The following GRID2 variants were observed in gnomAD, a reference collection of about 807,000 sequenced individuals.
The protein encoded by GRID2 is glutamate ionotropic receptor delta type subunit 2.
A neutral mutation model predicts 114.8 loss-of-function variants in GRID2; 33 were observed. The observed-to-expected ratio is 0.29, with a 90% confidence interval of 0.22 to 0.38. The LOEUF (loss-of-function observed/expected upper bound fraction) is 0.38, where lower values mean the gene tolerates loss of function less well. GRID2 is among the 10% of genes least tolerant of loss of function. GRID2 has a pLI of 1.00. For synonymous variants in GRID2, 505 were observed against 449.9 expected (o/e 1.12, Z -1.55); for missense variants, 1,184 against 1,257.7 (o/e 0.94, Z 0.89).
At chr4:92,734,978 C>T (rs1052096865) in intron 2 of GRID2, among the ~76,000 whole-genome samples, 6 of 151,452 alleles carry the variant, frequency 4.0e-5, no homozygotes, top group Admixed American at 2.6e-4. Context: ...GGAGTTTTGC[C>T]ATGTTGCCCA....
At chr4:93,091,888 T>A (rs1730824780) in intron 3 of GRID2, among the ~76,000 whole-genome samples, 1 of 152,160 alleles carries the variant, frequency 6.6e-6, no homozygotes, top group South Asian at 2.1e-4. Flanking sequence ...CAGGCTGCTC[T>A]GGGGAAAAAG....
At chr4:92,568,048 T>G (rs1727420727) in intron 1 of GRID2, among the ~76,000 whole-genome samples, 1 of 151,968 alleles carries the variant, frequency 6.6e-6, no homozygotes, top group African/African-American at 2.4e-5. Context: ...GGCTGCAGTT[T>G]TAAACAGGGT....
At chr4:92,994,341 T>C in intron 2 of GRID2, among the ~76,000 whole-genome samples, 1 of 152,068 alleles carries the variant, frequency 6.6e-6, no homozygotes, top group Middle Eastern at 3.4e-3. Flanking sequence ...AAGTTATTGT[T>C]TTTGTTTGTT....
intron 2 of GRID2, among the ~76,000 whole-genome samples, chr4:92,657,949 G>GAAAAGT (rs60491488): frequency 0.37 from 55,645 of 150,980 alleles, 10,327 homozygotes; most frequent in East Asian, 0.45. Context: ...GTAGGAGAAA[G>GAAAAGT]AAGACACAAT....
intron 2 of GRID2, among the ~76,000 whole-genome samples, chr4:93,026,832 A>T (rs1439169310): frequency 6.6e-6 from 1 of 152,050 alleles, no homozygotes; most frequent in African/African-American, 2.4e-5. Context: ...TTATAATTTA[A>T]TACTTACACA....
intron 2 of GRID2, among the ~76,000 whole-genome samples, chr4:92,656,372 A>G (rs1732236171): frequency 6.6e-6 from 1 of 151,604 alleles, no homozygotes; most frequent in South Asian, 2.1e-4. Context: ...TTCTCCATAT[A>G]CTTTTTGCAA....
At chr4:92,331,026 G>C (rs561078949) in intron 1 of GRID2, among the ~76,000 whole-genome samples, 9 of 152,226 alleles carry the variant, frequency 5.9e-5, no homozygotes. Context: ...GTTATTCACT[G>C]TGGAGGTACT....
chr4:92,704,766 C>CCCCTCCCT (rs1031713498), intron 2 of GRID2, among the ~76,000 whole-genome samples: 1 of 102,512 alleles, frequency 9.8e-6, no homozygotes, highest in Non-Finnish European at 2.0e-5. Context: ...TCCCTCTCTG[C>CCCCTCCCT]CCCTCCCTCC....
chr4:92,757,489 C>A (rs1737780949), intron 2 of GRID2, among the ~76,000 whole-genome samples: 1 of 151,994 alleles, frequency 6.6e-6, no homozygotes, highest in African/African-American at 2.4e-5. Flanking sequence ...CTTGTCTTAT[C>A]AAAGGGAAGT....
intron 10 of GRID2, among the ~76,000 whole-genome samples, chr4:93,443,234 A>G (rs1721784190): frequency 6.6e-6 from 1 of 151,926 alleles, no homozygotes; most frequent in Non-Finnish European, 1.5e-5. Flanking sequence ...TAACCCTCCA[A>G]TAGTTTTCCT....
chr4:92,752,138 G>C (rs528541373), intron 2 of GRID2, among the ~76,000 whole-genome samples: 86 of 152,174 alleles, frequency 5.7e-4, no homozygotes, highest in Admixed American at 1.0e-3. Flanking sequence ...TACAGAGCCA[G>C]ATTTACAGAG....
intron 8 of GRID2, among the ~76,000 whole-genome samples, chr4:93,385,683 T>A (rs1170183477): frequency 6.6e-6 from 1 of 151,702 alleles, no homozygotes; most frequent in Non-Finnish European, 1.5e-5. Flanking sequence ...CTTACATCAA[T>A]GTTTATATAT....
chr4:93,289,317 T>G (rs1354122240), intron 8 of GRID2, among the ~76,000 whole-genome samples: 1 of 151,562 alleles, frequency 6.6e-6, no homozygotes, highest in African/African-American at 2.5e-5. Context: ...GACTAAATAT[T>G]TCTCCTGTCT....
chr4:92,898,771 A>G (rs568648049), intron 2 of GRID2, among the ~76,000 whole-genome samples: 1 of 152,236 alleles, frequency 6.6e-6, no homozygotes, highest in East Asian at 1.9e-4. Flanking sequence ...GCCAAATACC[A>G]TCCTTTTATA....
At chr4:92,354,095 T>C (rs1187439045) in intron 1 of GRID2, among the ~76,000 whole-genome samples, 1 of 151,966 alleles carries the variant, frequency 6.6e-6, no homozygotes, top group Admixed American at 6.6e-5. Flanking sequence ...TTAGAACATA[T>C]CTACACAATA....
At chr4:93,061,628 T>C (rs1443892962) in intron 2 of GRID2, among the ~76,000 whole-genome samples, 1 of 152,146 alleles carries the variant, frequency 6.6e-6, no homozygotes, top group East Asian at 1.9e-4. Flanking sequence ...CAACTCACAA[T>C]ACTAAACAGT....
At chr4:92,722,687 C>T (rs1230453911) in intron 2 of GRID2, among the ~76,000 whole-genome samples, 1 of 151,986 alleles carries the variant, frequency 6.6e-6, no homozygotes. Flanking sequence ...TTAGATGACG[C>T]CAAGTGACTC....
In GRID2 at chr4:93,781,425, G is replaced by A. The variant is rs1053770506; in HGVS notation, c.221+11975G>A. Among the ~76,000 whole-genome samples, 5 of 149,942 alleles carry A rather than the reference G, an allele frequency of 3.3e-5. No individual in the cohort carries two copies. In the East Asian group the frequency reaches 9.9e-4, roughly 30 times the overall value. ...GTGAGGCCTACTGGGCTGCGGTGAG[G>A]GGCTGCGGTGAGGGGCTGCGGTGAG... is the stretch of plus-strand genomic sequence containing the variant. On this transcript the variant is annotated intron_variant, in intron 1 of 1. Transcript: ENST00000637838.
At chr4:92,469,430 C>T (rs1404223165) in intron 1 of GRID2, among the ~76,000 whole-genome samples, 1 of 152,054 alleles carries the variant, frequency 6.6e-6, no homozygotes, top group Non-Finnish European at 1.5e-5. Context: ...TGCATATAAC[C>T]TACGCACATC....
Sources: allele counts gnomAD v4.1 joint callset (sites outside exome capture counted in the v4.1 genomes callset), GRCh38; gene constraint gnomAD v4.1.1; transcripts MANE v1.5; gene names NCBI Gene and HGNC (gene_info 2026-07-23, HGNC 2026-07-21).